The following PLPPR5 variants were observed in gnomAD, a reference collection of about 807,000 sequenced individuals.
PLPPR5 encodes the protein phospholipid phosphatase-related protein type 5.
PLPPR5 carries 16 observed loss-of-function variants against 33.9 expected under a neutral mutation model. The observed-to-expected ratio is 0.47, with a 90% confidence interval of 0.32 to 0.72. The LOEUF is 0.72. Among genes scored for constraint, PLPPR5 ranks in the 30% least tolerant of loss-of-function variants. The pLI, the probability that PLPPR5 is intolerant of heterozygous loss-of-function variation, is 0.03. For missense variants in PLPPR5, 301 were observed against 406.7 expected, an observed-to-expected ratio of 0.74 and a Z score of 2.23; for synonymous variants, 163 against 150.3, an observed-to-expected ratio of 1.08 and a Z score of -0.62.
At chr1:98,964,482 T>C (rs1651362361) in intron 1 of PLPPR5, among the ~76,000 whole-genome samples, 1 of 151,922 alleles carries the variant, frequency 6.6e-6, no homozygotes, top group Non-Finnish European at 1.5e-5. Flanking sequence ...GCTTGGGACA[T>C]GAAAGAAAAA....
At chr1:98,917,984 G>A (rs535990544) in intron 4 of PLPPR5, among the ~76,000 whole-genome samples, 1 of 152,204 alleles carries the variant, frequency 6.6e-6, no homozygotes, top group South Asian at 2.1e-4. Context: ...CAGACGTTCT[G>A]GTTTTACATT....
At chr1:98,897,025 C>T (rs960080001) in intron 5 of PLPPR5, among the ~76,000 whole-genome samples, 3 of 152,028 alleles carry the variant, frequency 2.0e-5, no homozygotes, top group African/African-American at 7.2e-5. Context: ...AAGTAAAATG[C>T]CATTATTAAT....
At chr1:98,976,478 A>G (rs1044812853) in intron 1 of PLPPR5, among the ~76,000 whole-genome samples, 1 of 152,048 alleles carries the variant, frequency 6.6e-6, no homozygotes. Flanking sequence ...GTGCATATCA[A>G]TTCAATGGTA....
chr1:99,004,537 G>A lies in PLPPR5; in HGVS notation c.135C>T (p.Cys45=), dbSNP rs1652997932. 1.2e-6 allele frequency: 2 copies of A among 1,613,042 alleles called. No individual in the cohort carries two copies. The highest frequency in any genetic ancestry group is 1.3e-5 in the African/African-American group (1 of 74,922). ...AGGGTTTGCGGTAGGCGCTGTCGTGGCAGAAGAAGCCCTGCACGTTCACGG... is the reference window on the plus strand; with the variant it reads ...AGGGTTTGCGGTAGGCGCTGTCGTGACAGAAGAAGCCCTGCACGTTCACGG... ...TFTVNVQGFF[C]HDSAYRKPYP... The change falls in exon 1 of 6, where the codon TGC becomes TGT. Residue 45 remains cysteine, a synonymous_variant. Transcript: ENST00000263177.
At chr1:98,899,042 A>G (rs1043803430) in intron 5 of PLPPR5, among the ~76,000 whole-genome samples, 2 of 152,164 alleles carry the variant, frequency 1.3e-5, no homozygotes, top group African/African-American at 4.8e-5. Context: ...CTGATTCTCT[A>G]CTGTGGCTTC....
intron 1 of PLPPR5, among the ~76,000 whole-genome samples, chr1:98,960,440 G>A (rs776128574): frequency 2.0e-5 from 3 of 152,098 alleles, no homozygotes; most frequent in Non-Finnish European, 4.4e-5. Context: ...CTCACCTCAG[G>A]TGATCCACCC....
intron 1 of PLPPR5, among the ~76,000 whole-genome samples, chr1:98,966,800 G>A (rs1489585154): frequency 2.6e-5 from 4 of 152,142 alleles, no homozygotes; most frequent in Admixed American, 1.3e-4. Context: ...TGGGTGGGAT[G>A]AGCTTATTAA....
At chr1:98,968,298 A>G (rs1168637833) in intron 1 of PLPPR5, among the ~76,000 whole-genome samples, 1 of 152,112 alleles carries the variant, frequency 6.6e-6, no homozygotes, top group Non-Finnish European at 1.5e-5. Context: ...TAATGTACCT[A>G]TCATTCCTCA....
intron 3 of PLPPR5, among the ~76,000 whole-genome samples, chr1:98,923,815 C>T (rs998206017): frequency 6.6e-5 from 10 of 152,132 alleles, no homozygotes; most frequent in East Asian, 3.9e-4. Context: ...AAAGAGAAAA[C>T]GATGCTTTTG....
chr1:98,921,756 C>T (rs943757116), intron 4 of PLPPR5, 126 bp downstream of exon 4: 4 of 737,778 alleles, frequency 5.4e-6, no homozygotes, highest in Non-Finnish European at 8.6e-6. Flanking sequence ...GTTTTATATA[C>T]TTAAATGAAT....
In PLPPR5 at chr1:98,938,216, G is replaced by A. The variant is rs192860548; in HGVS notation, c.621+14854C>T. The stretch of plus-strand genomic sequence containing the variant: ...GTAAAAATGAAGAAAGAGAACTTGA[G>A]CTATTTCAATTCTTCCAATCTATGT... On this transcript the variant is annotated intron_variant, in intron 3 of 5. Coordinates refer to ENST00000263177, the MANE Select transcript of PLPPR5 (RefSeq NM_001037317.2). 1.6e-3 allele frequency among the ~76,000 whole-genome samples: 250 copies of A among 152,058 alleles called. 1 individual carries two copies. Among genetic ancestry groups the A allele is most frequent in the Non-Finnish European group, 2.6e-3 (174 of 67,986 alleles).
chr1:99,004,705 G>GC lies in PLPPR5; in HGVS notation c.-35dup. On this transcript the variant is annotated 5_prime_UTR_variant, in exon 1 of 6. Transcript: ENST00000263177. ...CCCGGGCCGGGCCGAGCCGAGCCGA[G>GC]CGGGCGGTCGACGCGGTGGGCCCCC... is the stretch of plus-strand genomic sequence containing the variant. The GC allele has an allele frequency of 6.9e-7, 1 of 1,440,964 alleles. No individual in the cohort carries two copies. The highest frequency in any genetic ancestry group is 9.2e-7 in the Non-Finnish European group (1 of 1,083,908). The allele number at this position is 1,440,964 out of a possible 1,614,324, so 89.3% of individuals were successfully genotyped here.
Position 98,920,456 on chromosome 1 carries a change from C to CA in PLPPR5, c.798+1425dup, listed in dbSNP as rs67392220. Among the ~76,000 whole-genome samples, 879 of 93,984 alleles carry CA rather than the reference C, an allele frequency of 9.4e-3. 12 individuals are homozygous for CA. Among genetic ancestry groups the CA allele is most frequent in the African/African-American group, 0.03 (738 of 24,756 alleles). 61.7% of individuals were successfully genotyped at this position (93,984 alleles called of 152,430 possible). The stretch of plus-strand genomic sequence containing the variant: ...CAGTTTCAACTGTGGTGAGTCAATG[C>CA]AAAAAAAAAAAAAAAAAAAGTTTTT... On this transcript the variant is annotated intron_variant, in intron 4 of 5. Transcript: ENST00000263177.
At chr1:98,912,376 C>G (rs1398128299) in intron 5 of PLPPR5, among the ~76,000 whole-genome samples, 4 of 152,268 alleles carry the variant, frequency 2.6e-5, no homozygotes, top group Non-Finnish European at 4.4e-5. Flanking sequence ...TTTCTCAGAA[C>G]CATCTAGGCT....
At chr1:98,904,921 G>A (rs910573146) in intron 5 of PLPPR5, among the ~76,000 whole-genome samples, 5 of 152,164 alleles carry the variant, frequency 3.3e-5, no homozygotes. Context: ...TAAATCATGA[G>A]GTGAGATAAG....
At chr1:98,974,484 T>C (rs1462752553) in intron 1 of PLPPR5, among the ~76,000 whole-genome samples, 1 of 152,054 alleles carries the variant, frequency 6.6e-6, no homozygotes, top group Non-Finnish European at 1.5e-5. Flanking sequence ...ATGAAATCAA[T>C]TAGGTGAGGA....
At chr1:98,898,848 T>TA (rs553824857) in intron 5 of PLPPR5, among the ~76,000 whole-genome samples, 3 of 152,144 alleles carry the variant, frequency 2.0e-5, no homozygotes, top group Non-Finnish European at 2.9e-5. Context: ...CCCTTTTTTT[T>TA]ACTATTCAGA....
At chr1:98,897,600 T>C (rs1163443800) in intron 5 of PLPPR5, among the ~76,000 whole-genome samples, 1 of 152,072 alleles carries the variant, frequency 6.6e-6, no homozygotes. Flanking sequence ...CAGCATAGGG[T>C]TTTAACCTAA....
At chr1:98,986,584 G>A (rs1391325235) in intron 1 of PLPPR5, among the ~76,000 whole-genome samples, 2 of 151,830 alleles carry the variant, frequency 1.3e-5, no homozygotes, top group African/African-American at 2.4e-5. Flanking sequence ...CCAAAGTAGA[G>A]TGGTTATTCC....
Sources: allele counts gnomAD v4.1 joint callset (sites outside exome capture counted in the v4.1 genomes callset), GRCh38; gene constraint gnomAD v4.1.1; transcripts MANE v1.5; gene names NCBI Gene and HGNC (gene_info 2026-07-23, HGNC 2026-07-21).